Variants in CNTLN observed in about 807,000 individuals in gnomAD.
CNTLN encodes the protein centlein.
Under a neutral mutation model 180.0 loss-of-function variants are expected in CNTLN, and 212 were observed. That is an observed-to-expected ratio of 1.18 (90% confidence interval 1.05 to 1.32). CNTLN has a LOEUF of 1.32. CNTLN is among the 40% of genes most tolerant of loss of function. CNTLN has a pLI of 0.00. For missense variants in CNTLN, 2,095 were observed against 1,610.9 expected, an observed-to-expected ratio of 1.30 and a Z score of -5.14; for synonymous variants, 722 against 563.1, an observed-to-expected ratio of 1.28 and a Z score of -3.99.
chr9:17,241,137 C>T (rs1262924410), intron 5 of CNTLN, among the ~76,000 whole-genome samples: 2 of 152,150 alleles, frequency 1.3e-5, no homozygotes, highest in Non-Finnish European at 1.5e-5. Flanking sequence ...GGATTACAGG[C>T]GTGAGCCACC....
rs143843015 is a variant in CNTLN at position 17,319,735 on chromosome 9, A to G, written c.1341+10483A>G. ...ACAATGAATGGTGGGCATTTAGAGT[A>G]ATAAATGTTAGCTCTTAATTTATTA... On this transcript the variant is annotated intron_variant, in intron 8 of 25. Coordinates refer to ENST00000380647, the MANE Select transcript of CNTLN (RefSeq NM_017738.4). Among the ~76,000 whole-genome samples the G allele has an allele frequency of 9.8e-5, 15 of 152,356 alleles. No individual in the cohort carries two copies. In the East Asian group the frequency reaches 2.9e-3, roughly 29 times the overall value.
chr9:17,135,790 T>C (rs1167440320), intron 1 of CNTLN, among the ~76,000 whole-genome samples: 2 of 152,208 alleles, frequency 1.3e-5, no homozygotes, highest in African/African-American at 2.4e-5. Context: ...AGTCCACTAG[T>C]TGAAATGAAC....
At chr9:17,480,166 G>A (rs951007242) in intron 23 of CNTLN, among the ~76,000 whole-genome samples, 2 of 151,916 alleles carry the variant, frequency 1.3e-5, no homozygotes, top group African/African-American at 2.4e-5. Context: ...ATTTCAGCCC[G>A]GGTGACAGAG....
intron 2 of CNTLN, among the ~76,000 whole-genome samples, chr9:17,179,019 C>T (rs1373626048): frequency 2.1e-5 from 3 of 146,060 alleles, no homozygotes; most frequent in Non-Finnish European, 4.5e-5. Flanking sequence ...CCGAGGCGGG[C>T]GGATCACGAG....
chr9:17,426,503 A>C (rs1476683395), intron 18 of CNTLN, among the ~76,000 whole-genome samples: 1 of 152,016 alleles, frequency 6.6e-6, no homozygotes, highest in Non-Finnish European at 1.5e-5. Context: ...GCTAAAGTCC[A>C]AAATTTTTGT....
intron 2 of CNTLN, among the ~76,000 whole-genome samples, chr9:17,221,749 A>G (rs1366685318): frequency 2.0e-5 from 3 of 151,976 alleles, no homozygotes; most frequent in Non-Finnish European, 4.4e-5. Flanking sequence ...TCAGTATCCT[A>G]GAATGTTTTG....
At chr9:17,212,031 T>C (rs899571907) in intron 2 of CNTLN, among the ~76,000 whole-genome samples, 2 of 152,194 alleles carry the variant, frequency 1.3e-5, no homozygotes, top group African/African-American at 2.4e-5. Flanking sequence ...CTTTTCCTAA[T>C]TGAATACCCT....
In CNTLN at chr9:17,388,146, A is replaced by G. The variant is rs1408539227; in HGVS notation, c.1988-16A>G. 1 of 1,542,712 alleles carries G rather than the reference A, an allele frequency of 6.5e-7. No individual in the cohort carries two copies. Among genetic ancestry groups the G allele is most frequent in the Admixed American group, 1.7e-5 (1 of 59,060 alleles). On this transcript the variant is annotated splice_polypyrimidine_tract_variant and intron_variant, in intron 13 of 25. Coordinates refer to ENST00000380647, the MANE Select transcript of CNTLN (RefSeq NM_017738.4). ...AGTACACGTGGTATCATAATATATT[A>G]TTTATTCTCTACCAGAACAGCTCTT... is the stretch of plus-strand genomic sequence containing the variant.
intron 5 of CNTLN, among the ~76,000 whole-genome samples, chr9:17,242,893 T>C (rs1413417870): frequency 6.6e-6 from 1 of 152,218 alleles, no homozygotes; most frequent in Non-Finnish European, 1.5e-5. Context: ...CCTTCTCTAT[T>C]CTTCAGAATA....
In CNTLN at chr9:17,271,242, T is replaced by C. The variant is rs376335440; in HGVS notation, c.850-2491T>C. ...AGGCGTGAGCCACCGCGCCCAGCACTATTTTTGTTTTTTACCTTGGGAGCA... is the reference window on the plus strand; with the variant it reads ...AGGCGTGAGCCACCGCGCCCAGCACCATTTTTGTTTTTTACCTTGGGAGCA... On this transcript the variant is annotated intron_variant, in intron 5 of 25. Transcript: ENST00000380647. 7.9e-4 allele frequency among the ~76,000 whole-genome samples: 120 copies of C among 152,154 alleles called. 2 individuals are homozygous for C. The South Asian group carries it at 0.024, about 30-fold the overall frequency.
chr9:17,226,494 A>G (rs887838041), intron 3 of CNTLN, among the ~76,000 whole-genome samples: 2 of 152,006 alleles, frequency 1.3e-5, no homozygotes, highest in African/African-American at 4.8e-5. Flanking sequence ...TTAATAGATT[A>G]TAACTCTTCA....
At chr9:17,215,433 C>T (rs1434421712) in intron 2 of CNTLN, among the ~76,000 whole-genome samples, 1 of 152,164 alleles carries the variant, frequency 6.6e-6, no homozygotes, top group African/African-American at 2.4e-5. Flanking sequence ...AGAGGAGTAC[C>T]CAGACATGTG....
intron 13 of CNTLN, 93 bp downstream of exon 13, chr9:17,366,810 C>A (rs1022013144): frequency 5.7e-6 from 4 of 698,236 alleles, no homozygotes; most frequent in Non-Finnish European, 9.8e-6. Context: ...GAATCTTACC[C>A]TTTTTGTTTC....
At chr9:17,370,837 G>T (rs1045827756) in intron 13 of CNTLN, among the ~76,000 whole-genome samples, 4 of 152,048 alleles carry the variant, frequency 2.6e-5, no homozygotes, top group Non-Finnish European at 5.9e-5. Flanking sequence ...GTTTTTGCTT[G>T]TTTATGCAAG....
At position 17,285,466 on chromosome 9, in the gene CNTLN, C is replaced by T. The variant is rs982870132; in HGVS notation, c.983+11600C>T. 1.2e-4 allele frequency among the ~76,000 whole-genome samples: 18 copies of T among 146,348 alleles called. 1 individual carries two copies. Among genetic ancestry groups the T allele is most frequent in the African/African-American group, 3.9e-4 (15 of 37,992 alleles). On this transcript the variant is annotated intron_variant, in intron 6 of 25. Coordinates refer to ENST00000380647, the MANE Select transcript of CNTLN (RefSeq NM_017738.4). Reference sequence around the variant, plus strand: ...TGTGAATAATGCCACAATAAACATACGTGTGCATGTGTCTTTATAGCAGCA... The same window carrying T: ...TGTGAATAATGCCACAATAAACATATGTGTGCATGTGTCTTTATAGCAGCA...
intron 8 of CNTLN, among the ~76,000 whole-genome samples, chr9:17,314,030 G>A (rs931180801): frequency 1.3e-5 from 2 of 152,032 alleles, no homozygotes; most frequent in East Asian, 1.9e-4. Flanking sequence ...CACTGTGCCC[G>A]GCCAGCTCTG....
In CNTLN at chr9:17,409,303, G is replaced by A; in HGVS notation, c.2626G>A (p.Glu876Lys). 1.9e-6 allele frequency: 3 copies of A among 1,609,136 alleles called. No individual in the cohort carries two copies. The highest frequency in any genetic ancestry group is 4.5e-5 in the East Asian group (2 of 44,712). ...EDVSESSSDS[E>K]AQTSQTLGTI... The stretch of plus-strand genomic sequence containing the variant: ...CTTTTTTCTAAAAAGCAGTGATTCT[G>A]AAGCACAGACCTCTCAAACTTTGGG... The change falls in exon 16 of 26, where the codon GAA becomes AAA. Residue 876 changes from glutamate (E) to lysine (K), a missense_variant. Glu to Lys is a moderately conservative substitution (Grantham distance 56, BLOSUM62 1). Coordinates refer to ENST00000380647, the MANE Select transcript of CNTLN (RefSeq NM_017738.4).
rs908038703 is a variant in CNTLN, at chr9:17,410,940, A to G, written c.2796+1467A>G. Among the ~76,000 whole-genome samples, 61 of 152,174 alleles carry G rather than the reference A, an allele frequency of 4.0e-4. 1 individual carries two copies. The highest frequency in any genetic ancestry group is 1.3e-4 in the Non-Finnish European group (9 of 68,042). On this transcript the variant is annotated intron_variant, in intron 16 of 25. Coordinates refer to ENST00000380647, the MANE Select transcript of CNTLN (RefSeq NM_017738.4). ...TAGTAGTCTTGATTGCATGTTGAACAAGTTTCCCACCTTCTTGTTCATCAA... is the reference window on the plus strand; with the variant it reads ...TAGTAGTCTTGATTGCATGTTGAACGAGTTTCCCACCTTCTTGTTCATCAA...
chr9:17,515,252 C>G, the CNTLN span, among the ~76,000 whole-genome samples: 1 of 152,170 alleles, frequency 6.6e-6, no homozygotes, highest in Non-Finnish European at 1.5e-5. Flanking sequence ...TCTTTTAACT[C>G]ATTGGCTACT....
Sources: gnomAD v4.1 joint callset for allele counts (sites outside exome capture counted in the v4.1 genomes callset) on GRCh38, gnomAD v4.1.1 for gene constraint, MANE v1.5 for transcripts, NCBI Gene and HGNC (gene_info 2026-07-23, HGNC 2026-07-21) for gene names.